The following BPNT1 variants were observed in gnomAD, a reference collection of about 807,000 sequenced individuals.
The protein encoded by BPNT1 is 3'(2'),5'-bisphosphate nucleotidase 1.
BPNT1 carries 28 observed loss-of-function variants against 36.9 expected under a neutral mutation model. The observed-to-expected ratio is 0.76, with a 90% CI of 0.56 to 1.04. The LOEUF (loss-of-function observed/expected upper bound fraction) is 1.04, where lower values mean the gene tolerates loss of function less well. Ranked by LOEUF, BPNT1 falls within the 50% of genes least tolerant of loss-of-function variation. The probability of loss-of-function intolerance (pLI) is 0.00; values close to 1 mark genes in which losing one functional copy is unlikely to be tolerated. For synonymous variants in BPNT1, 119 were observed against 130.9 expected (o/e 0.91, Z 0.62); for missense variants, 313 against 372.9 (o/e 0.84, Z 1.32).
chr1:220,067,984 G>C (rs948894873), intron 5 of BPNT1, among the ~76,000 whole-genome samples: 1 of 152,052 alleles, frequency 6.6e-6, no homozygotes, highest in African/African-American at 2.4e-5. Flanking sequence ...GGGTTCTACA[G>C]ATGTTTTCAG....
At chr1:220,089,061 A>G (rs1218694564) in intron 1 of BPNT1, among the ~76,000 whole-genome samples, 1 of 140,090 alleles carries the variant, frequency 7.1e-6, no homozygotes, top group African/African-American at 2.7e-5. Flanking sequence ...AGATTGCACC[A>G]CTGCACTCAA....
In BPNT1 at chr1:220,088,739, A is replaced by G. The variant is rs534259451; in HGVS notation, c.-9+947T>C. Among the ~76,000 whole-genome samples, 12 of 149,840 alleles carry G rather than the reference A, an allele frequency of 8.0e-5. No individual in the cohort carries two copies. In the South Asian group the frequency reaches 2.5e-3, roughly 32 times the overall value. ...TGGGAGGTCAAGGTTGCAGTGAGAC[A>G]TAATGGCACCACTGTACTCCAGCCT... On this transcript the variant is annotated intron_variant, in intron 1 of 8. Transcript: ENST00000322067.
chr1:220,059,578 G>C, intron 8 of BPNT1, 108 bp downstream of exon 8: 2 of 851,994 alleles, frequency 2.3e-6, no homozygotes, highest in Non-Finnish European at 3.6e-6. Flanking sequence ...CTGCCTTCTA[G>C]CTTTTATATC....
At position 220,058,908 on chromosome 1, in the gene BPNT1, A is replaced by G; in HGVS notation, c.863T>C (p.Leu288Pro). Residue 288 changes from leucine to proline, a missense_variant, in exon 9 of 9, where the codon CTG (leucine) becomes CCG (proline). Transcript: ENST00000322067. ...HMNSAGVLAT[L>P]RNYDYYASRV... ...GCTTGCATAGTAGTCATAATTCCTC[A>G]GTGTGGCCAGGACTCCTGCAGAGTT... 1 of 1,613,964 alleles carries G rather than the reference A, an allele frequency of 6.2e-7. No homozygotes were observed. The highest frequency in any genetic ancestry group is 8.5e-7 in the Non-Finnish European group (1 of 1,179,886).
Position 220,058,852 on chromosome 1 carries a change from C to T in BPNT1, c.919G>A (p.Val307Ile). ...RVPESIKNAL[V>I]P Reference sequence around the variant, plus strand: ...CCAAATGAAACTTTCCTTTAAGGAACAAGTGCATTTTTAATAGATTCTGGA... The same window carrying T: ...CCAAATGAAACTTTCCTTTAAGGAATAAGTGCATTTTTAATAGATTCTGGA... The change falls in exon 9 of 9, where the codon GTT becomes ATT. Residue 307 changes from valine to isoleucine, a missense_variant. Coordinates refer to ENST00000322067, the MANE Select transcript of BPNT1 (RefSeq NM_006085.6). 2 of 1,613,984 alleles carry T rather than the reference C, an allele frequency of 1.2e-6. No homozygotes were observed. The highest frequency in any genetic ancestry group is 1.7e-6 in the Non-Finnish European group (2 of 1,179,928).
intron 2 of BPNT1, among the ~76,000 whole-genome samples, chr1:220,075,293 C>T (rs1446947134): frequency 6.6e-6 from 1 of 152,172 alleles, no homozygotes; most frequent in Non-Finnish European, 1.5e-5. Context: ...CCGCCCACCT[C>T]GGGCTCCCAA....
At chr1:220,065,995 T>C (rs1054145359) in intron 6 of BPNT1, 2 of 1,099,090 alleles carry the variant, frequency 1.8e-6, no homozygotes, top group South Asian at 3.3e-5. Flanking sequence ...GGATGTACAA[T>C]GACCACCTGG....
intron 5 of BPNT1, 40 bp from the exon 6 acceptor site, chr1:220,067,433 ATAT>A: frequency 7.0e-7 from 1 of 1,420,610 alleles, no homozygotes; most frequent in Non-Finnish European, 9.8e-7. Context: ...TAACTTGCTC[ATAT>A]TATGACTCAT....
In BPNT1 at chr1:220,079,591, C is replaced by T. The variant is rs562433050; in HGVS notation, c.120+136G>A. On this transcript the variant is annotated intron_variant, in intron 2 of 8. Transcript: ENST00000322067. ...AAAGCAGAGATGGAACCCTTTAGAA[C>T]CAAGCGTCTTGCAGTCTCCCTAAGG... 245 of 1,079,844 alleles carry T rather than the reference C, an allele frequency of 2.3e-4. 4 individuals carry two copies. In the South Asian group the frequency reaches 3.3e-3, roughly 14 times the overall value. The allele number at this position is 1,079,844 out of a possible 1,614,324, so 66.9% of individuals were successfully genotyped here.
intron 2 of BPNT1, among the ~76,000 whole-genome samples, chr1:220,075,633 T>C (rs577273126): frequency 5.1e-4 from 78 of 152,310 alleles, no homozygotes; most frequent in South Asian, 1.5e-3. Flanking sequence ...AAAAGACACA[T>C]TGAAAGCCAT....
At position 220,072,969 on chromosome 1, in the gene BPNT1, A is replaced by T. The variant is rs1425450811; in HGVS notation, c.226-12T>A. 6.2e-7 allele frequency: 1 copy of T among 1,601,720 alleles called. No individual in the cohort carries two copies. The highest frequency in any genetic ancestry group is 1.3e-5 in the African/African-American group (1 of 74,636). Reference sequence around the variant, plus strand: ...TCAGAAGGCAGATCCTAAAGCAGAGATAACCCTAATGGTTACTGAAGCTGT... The same window carrying T: ...TCAGAAGGCAGATCCTAAAGCAGAGTTAACCCTAATGGTTACTGAAGCTGT... On this transcript the variant is annotated splice_polypyrimidine_tract_variant and intron_variant, in intron 3 of 8. Transcript: ENST00000322067.
chr1:220,071,161 C>G (rs557601521), intron 4 of BPNT1, among the ~76,000 whole-genome samples: 1 of 151,924 alleles, frequency 6.6e-6, no homozygotes, highest in East Asian at 2.0e-4. Flanking sequence ...TGCCCAGCCC[C>G]ACCATGTCTC....
At chr1:220,072,000 T>C (rs1664105631) in intron 4 of BPNT1, among the ~76,000 whole-genome samples, 1 of 151,808 alleles carries the variant, frequency 6.6e-6, no homozygotes, top group Non-Finnish European at 1.5e-5. Flanking sequence ...AACCTATACA[T>C]CTATGGCCTG....
At chr1:220,073,589 G>T (rs1290312785) in intron 3 of BPNT1, among the ~76,000 whole-genome samples, 1 of 152,170 alleles carries the variant, frequency 6.6e-6, no homozygotes, top group Non-Finnish European at 1.5e-5. Flanking sequence ...ACTGCGCCTG[G>T]CCTAATTCCC....
At chr1:220,061,541 A>C (rs1055934523) in intron 7 of BPNT1, among the ~76,000 whole-genome samples, 3 of 151,746 alleles carry the variant, frequency 2.0e-5, no homozygotes, top group Non-Finnish European at 2.9e-5. Flanking sequence ...CTCAAAAAAA[A>C]AAAAAAAACA....
chr1:220,069,060 G>A (rs1292880543), intron 5 of BPNT1, among the ~76,000 whole-genome samples: 5 of 152,154 alleles, frequency 3.3e-5, no homozygotes, highest in Non-Finnish European at 7.3e-5. Flanking sequence ...AGTTGTACTC[G>A]TTATCGTTTT....
chr1:220,087,572 C>A (rs181041645), intron 1 of BPNT1, among the ~76,000 whole-genome samples: 12 of 151,922 alleles, frequency 7.9e-5, no homozygotes, highest in Admixed American at 2.0e-4. Flanking sequence ...ATCAATCAAT[C>A]AATAAATAAA....
At chr1:220,079,494 C>T (rs996629396) in intron 2 of BPNT1, among the ~76,000 whole-genome samples, 3 of 152,062 alleles carry the variant, frequency 2.0e-5, no homozygotes, top group Non-Finnish European at 2.9e-5. Flanking sequence ...CCTCATCATC[C>T]GCCTGCCTCG....
At chr1:220,065,285 T>A (rs1162120231) in intron 6 of BPNT1, among the ~76,000 whole-genome samples, 1 of 152,216 alleles carries the variant, frequency 6.6e-6, no homozygotes, top group East Asian at 1.9e-4. Flanking sequence ...TGCAATCCCA[T>A]GATGCAGCTG....
Sources: allele counts gnomAD v4.1 joint callset (sites outside exome capture counted in the v4.1 genomes callset), GRCh38; gene constraint gnomAD v4.1.1; transcripts MANE v1.5; gene names NCBI Gene and HGNC (gene_info 2026-07-23, HGNC 2026-07-21).